Variants in COL6A5 observed in about 807,000 individuals in gnomAD.
COL6A5 encodes collagen alpha-5(VI) chain.
Under a neutral mutation model 65.6 loss-of-function variants are expected in COL6A5, and 48 were observed. That is an observed-to-expected ratio of 0.73 (90% CI 0.58 to 0.93). The LOEUF is 0.93. Among genes scored for constraint, COL6A5 ranks in the 40% least tolerant of loss-of-function variants. The pLI, the probability that COL6A5 is intolerant of heterozygous loss-of-function variation, is 0.00. For missense variants in COL6A5, 914 were observed against 928.3 expected (o/e 0.98, Z 0.20); for synonymous variants, 291 against 322.8 (o/e 0.90, Z 1.05).
chr3:130,384,160 G>T (rs568933106), intron 4 of COL6A5, among the ~76,000 whole-genome samples: 2 of 152,094 alleles, frequency 1.3e-5, no homozygotes, highest in South Asian at 4.1e-4. Flanking sequence ...AATATTTCAA[G>T]AAGAGAGGAG....
At chr3:130,369,087 A>G (rs2107630283) in intron 1 of COL6A5, among the ~76,000 whole-genome samples, 1 of 152,284 alleles carries the variant, frequency 6.6e-6, no homozygotes, top group South Asian at 2.1e-4. Context: ...CTTTTGTTGC[A>G]TAAATCCTGA....
chr3:130,478,799 G>T (rs1352868433), intron 7 of COL6A5, among the ~76,000 whole-genome samples: 1 of 152,026 alleles, frequency 6.6e-6, no homozygotes, highest in Non-Finnish European at 1.5e-5. Context: ...TTTCGATCCT[G>T]TACATACTTC....
chr3:130,424,972 A>G (rs551256559), intron 29 of COL6A5, among the ~76,000 whole-genome samples: 161 of 152,204 alleles, frequency 1.1e-3, no homozygotes, highest in African/African-American at 3.5e-3. Context: ...GAACTTGTTC[A>G]AAGTTATTTA....
intron 5 of COL6A5, among the ~76,000 whole-genome samples, chr3:130,463,919 G>A (rs754282605): frequency 1.2e-4 from 18 of 152,076 alleles, no homozygotes; most frequent in Middle Eastern, 3.4e-3. Flanking sequence ...AAGTTGGGAG[G>A]TAACCTATTT....
In COL6A5 at chr3:130,469,064, CCT is replaced by C. The variant is rs1338472866; in HGVS notation, c.1815_1816del (p.Pro606ArgfsTer6). 6.2e-6 allele frequency: 10 copies of C among 1,612,830 alleles called. No individual in the cohort carries two copies. Among genetic ancestry groups the C allele is most frequent in the East Asian group, 2.2e-5 (1 of 44,774 alleles). Reference sequence around the variant, plus strand: ...CTATATGCCTAACACTGAAGAATGCCCTGTCTACCTGGAATTTGATTTGGTTA... The same window carrying C: ...CTATATGCCTAACACTGAAGAATGCCGTCTACCTGGAATTTGATTTGGTTA... On this transcript the variant is annotated frameshift_variant, in exon 6 of 8. Coordinates refer to ENST00000512836, the Ensembl canonical transcript of COL6A5. LOFTEE classifies it high-confidence loss of function.
exon 3 of COL6A5, chr3:130,440,345 G>A: frequency 6.2e-7 from 1 of 1,613,450 alleles, no homozygotes. Context: ...TTTAATCTCA[G>A]ACTCTGGTGA....
chr3:130,456,239 A>G (rs1709569213), intron 5 of COL6A5, among the ~76,000 whole-genome samples: 1 of 152,174 alleles, frequency 6.6e-6, no homozygotes, highest in Non-Finnish European at 1.5e-5. Context: ...ATACATTTTA[A>G]TGGCAAAGCA....
At chr3:130,470,966 T>C in exon 7 of COL6A5, 2 of 1,608,450 alleles carry the variant, frequency 1.2e-6, no homozygotes, top group Non-Finnish European at 1.7e-6. Context: ...AAACACTGTA[T>C]TGTGAGTTGA....
intron 4 of COL6A5, among the ~76,000 whole-genome samples, chr3:130,449,984 T>A (rs1197806777): frequency 6.6e-6 from 1 of 152,094 alleles, no homozygotes; most frequent in Non-Finnish European, 1.5e-5. Context: ...AGGCAAAGAA[T>A]CAGGTAGTAA....
chr3:130,398,614 T>C (rs1056500377), intron 10 of COL6A5, among the ~76,000 whole-genome samples: 9 of 152,308 alleles, frequency 5.9e-5, no homozygotes, highest in Admixed American at 3.3e-4. Flanking sequence ...GCCAAGTGCT[T>C]AGACTTATGA....
At chr3:130,470,556 T>TAAAAAAAA (rs1559920041) in intron 6 of COL6A5, among the ~76,000 whole-genome samples, 1 of 151,970 alleles carries the variant, frequency 6.6e-6, no homozygotes, top group African/African-American at 2.4e-5. Context: ...AAACATTTTT[T>TAAAAAAAA]AAAAAATAGT....
At chr3:130,482,331 G>A (rs940032420) in intron 7 of COL6A5, among the ~76,000 whole-genome samples, 25 of 152,052 alleles carry the variant, frequency 1.6e-4, no homozygotes, top group Non-Finnish European at 1.0e-4. Context: ...TTTTTGTCAG[G>A]TTTGTCAAAG....
exon 1 of COL6A5, chr3:130,431,797 G>C (rs1264580629): frequency 1.3e-6 from 2 of 1,551,614 alleles, no homozygotes; most frequent in South Asian, 2.4e-5. Flanking sequence ...GACGTATGCA[G>C]GAGCCAACGT....
intron 4 of COL6A5, among the ~76,000 whole-genome samples, chr3:130,453,419 C>G (rs1395941068): frequency 6.6e-6 from 1 of 152,116 alleles, no homozygotes; most frequent in Non-Finnish European, 1.5e-5. Flanking sequence ...CCAATGTTTA[C>G]TCTCCATCAA....
At chr3:130,376,473 C>G (rs1206269334) in exon 3 of COL6A5, 1 of 1,611,608 alleles carries the variant, frequency 6.2e-7, no homozygotes, top group South Asian at 1.1e-5. Context: ...GAAGAACTTT[C>G]AGTTCATTGG....
chr3:130,418,443 T>TCCATAGCACCCTGAA (rs1385445550), intron 24 of COL6A5, among the ~76,000 whole-genome samples: 1 of 152,116 alleles, frequency 6.6e-6, no homozygotes, highest in Non-Finnish European at 1.5e-5. Context: ...TCTGTTTGCT[T>TCCATAGCACCCTGAA]CCATAGCACC....
chr3:130,466,602 A>G (rs1709823496), intron 5 of COL6A5, among the ~76,000 whole-genome samples: 1 of 151,968 alleles, frequency 6.6e-6, no homozygotes, highest in Non-Finnish European at 1.5e-5. Flanking sequence ...TAAGTGGGAG[A>G]AAGAAAATAA....
chr3:130,412,798 G>A lies in COL6A5; in HGVS notation c.4663-747G>A, dbSNP rs370893773. On this transcript the variant is annotated intron_variant and NMD_transcript_variant, in intron 20 of 41. Coordinates refer to the COL6A5 transcript ENST00000312481. The stretch of plus-strand genomic sequence containing the variant: ...AGCCAACCTGGTGGAGCTGATACTT[G>A]ATCTGATAGTTTATTCTAAGGACCT... Among the ~76,000 whole-genome samples the A allele has an allele frequency of 1.1e-3, 172 of 152,270 alleles. 1 individual carries two copies. Among genetic ancestry groups the A allele is most frequent in the African/African-American group, 3.6e-3 (150 of 41,566 alleles).
chr3:130,473,943 C>A (rs781572538), intron 7 of COL6A5, among the ~76,000 whole-genome samples: 8 of 151,978 alleles, frequency 5.3e-5, no homozygotes, highest in Non-Finnish European at 7.4e-5. Flanking sequence ...TGTGTTTGTC[C>A]CTTCCTTCAG....
Sources: gnomAD v4.1 joint callset for allele counts (sites outside exome capture counted in the v4.1 genomes callset) on GRCh38, gnomAD v4.1.1 for gene constraint, MANE v1.5 for transcripts, NCBI Gene and HGNC (gene_info 2026-07-23, HGNC 2026-07-21) for gene names.